CEP85L: variants seen among roughly 807,000 people sequenced by gnomAD.
The protein encoded by CEP85L is centrosomal protein of 85 kDa-like.
A neutral mutation model predicts 100.3 loss-of-function variants in CEP85L; 60 were observed. That is an observed-to-expected ratio of 0.60 (90% CI 0.49 to 0.74). CEP85L has a LOEUF of 0.74. CEP85L is among the 30% of genes least tolerant of loss of function. The pLI is 0.00. For synonymous variants in CEP85L, 319 were observed against 322.7 expected (o/e 0.99, Z 0.12); for missense variants, 973 against 936.2 (o/e 1.04, Z -0.51).
chr6:118,505,437 A>AAAAAAAAAAAAAC (rs1775590728), intron 5 of CEP85L, among the ~76,000 whole-genome samples: 1 of 144,726 alleles, frequency 6.9e-6, no homozygotes, highest in Non-Finnish European at 1.5e-5. Context: ...AAAAAAAAAA[A>AAAAAAAAAAAAAC]AGTTAACACA....
intron 2 of CEP85L, among the ~76,000 whole-genome samples, chr6:118,621,743 A>T (rs577905634): frequency 2.6e-5 from 4 of 152,340 alleles, no homozygotes; most frequent in African/African-American, 9.6e-5. Context: ...AGCAAAGAAC[A>T]AATTGAGCCT....
intron 1 of CEP85L, among the ~76,000 whole-genome samples, chr6:118,699,435 ACAGAGCAAGAC>A (rs1261889739): frequency 6.9e-6 from 1 of 145,936 alleles, no homozygotes; most frequent in African/African-American, 2.6e-5. Flanking sequence ...AGCCTGGATG[ACAGAGCAAGAC>A]CTTGTCTCAA....
At chr6:118,709,478 C>T (rs759730596) in intron 1 of CEP85L, among the ~76,000 whole-genome samples, 24 of 151,252 alleles carry the variant, frequency 1.6e-4, no homozygotes, top group Non-Finnish European at 3.1e-4. Context: ...GCAGCTAGAG[C>T]TCCTCTCCCC....
chr6:118,587,306 T>C (rs571581185), intron 2 of CEP85L, among the ~76,000 whole-genome samples: 1 of 152,194 alleles, frequency 6.6e-6, no homozygotes, highest in Non-Finnish European at 1.5e-5. Context: ...CAAAGAACTT[T>C]CTCCCAAAGA....
chr6:118,535,965 G>A (rs911114214), intron 3 of CEP85L, among the ~76,000 whole-genome samples: 1 of 151,848 alleles, frequency 6.6e-6, no homozygotes, highest in Admixed American at 6.6e-5. Flanking sequence ...AATCTTAAAA[G>A]TTGCATGTAA....
At chr6:118,502,503 G>A (rs1470180507) in intron 5 of CEP85L, 12 of 510,234 alleles carry the variant, frequency 2.4e-5, no homozygotes, top group Non-Finnish European at 4.2e-5. Flanking sequence ...GATTACACAA[G>A]TAGAGCCAGC....
chr6:118,563,036 A>T (rs1779313372), intron 3 of CEP85L, among the ~76,000 whole-genome samples: 1 of 152,160 alleles, frequency 6.6e-6, no homozygotes. Flanking sequence ...CCTCTGTCAT[A>T]GTCCCTATAG....
At chr6:118,701,344 T>C (rs905880303) in intron 1 of CEP85L, among the ~76,000 whole-genome samples, 2 of 152,170 alleles carry the variant, frequency 1.3e-5, no homozygotes, top group African/African-American at 4.8e-5. Context: ...CACAGCACTA[T>C]TCACAATAGC....
chr6:118,673,368 C>A (rs1367294908), intron 1 of CEP85L, among the ~76,000 whole-genome samples: 1 of 152,102 alleles, frequency 6.6e-6, no homozygotes, highest in African/African-American at 2.4e-5. Context: ...TAGAAGATTT[C>A]CAGTAAAGTG....
chr6:118,676,235 T>C lies in CEP85L; in HGVS notation c.-27-23427A>G, dbSNP rs146600714. Among the ~76,000 whole-genome samples, 53 of 152,330 alleles carry C rather than the reference T, an allele frequency of 3.5e-4. 1 individual carries two copies. Among genetic ancestry groups the C allele is most frequent in the African/African-American group, 1.2e-3 (51 of 41,584 alleles). On this transcript the variant is annotated intron_variant, in intron 1 of 13. Transcript: ENST00000368488. ...ACCTCACCTACTTAACATTCTTCTA[T>C]GGTGAGAACATTTAAAATCTACTTA...
At chr6:118,696,268 A>AAAAAAGAAAAAG (rs575296552) in intron 1 of CEP85L, among the ~76,000 whole-genome samples, 26 of 151,834 alleles carry the variant, frequency 1.7e-4, no homozygotes, top group Non-Finnish European at 3.2e-4. Context: ...CTGTCTCAAA[A>AAAAAAGAAAAAG]AAAAAGAAAA....
chr6:118,603,787 A>T (rs1459335745), intron 2 of CEP85L, among the ~76,000 whole-genome samples: 1 of 152,238 alleles, frequency 6.6e-6, no homozygotes, highest in Non-Finnish European at 1.5e-5. Context: ...AGCTATCAGA[A>T]AACTTGCACT....
intron 3 of CEP85L, among the ~76,000 whole-genome samples, chr6:118,555,425 CAAAAAA>C: frequency 8.6e-6 from 1 of 116,382 alleles, no homozygotes; most frequent in African/African-American, 3.3e-5. Flanking sequence ...AAGACTGTCT[CAAAAAA>C]AAAAAAAAAA....
chr6:118,610,057 G>A (rs1772505935), intron 2 of CEP85L, among the ~76,000 whole-genome samples: 1 of 141,674 alleles, frequency 7.1e-6, no homozygotes, highest in Non-Finnish European at 1.5e-5. Context: ...CAATGATAAT[G>A]ATGTAAACTG....
rs1772431509 is a variant in CEP85L, at chr6:118,465,279, A to G, written c.*126T>C. The G allele has an allele frequency of 1.2e-6, 1 of 835,516 alleles. No individual in the cohort carries two copies. The highest frequency in any genetic ancestry group is 1.7e-5 in the African/African-American group (1 of 57,168). The allele number at this position is 835,516 out of a possible 1,614,324, so 51.8% of individuals were successfully genotyped here. ...CTCTTCACTTCCCTTCTCCCCTTCA[A>G]CAAAACAAATCCACAGAAAAAAAAT... On this transcript the variant is annotated 3_prime_UTR_variant, in exon 13 of 13. Coordinates refer to ENST00000368491, the MANE Select transcript of CEP85L (RefSeq NM_001042475.3).
At chr6:118,561,445 A>T (rs1358974471) in intron 3 of CEP85L, among the ~76,000 whole-genome samples, 1 of 152,124 alleles carries the variant, frequency 6.6e-6, no homozygotes, top group Non-Finnish European at 1.5e-5. Flanking sequence ...CTATAACTCA[A>T]ATTATAAAGT....
At chr6:118,550,278 GAAAT>G (rs987971013) in intron 3 of CEP85L, among the ~76,000 whole-genome samples, 5 of 151,610 alleles carry the variant, frequency 3.3e-5, no homozygotes, top group African/African-American at 1.2e-4. Flanking sequence ...GTGAGATTAA[GAAAT>G]AATAAAATAT....
At chr6:118,653,749 A>ATGTGTGTG (rs61103713), upstream of CEP85L, among the ~76,000 whole-genome samples, 511 of 148,256 alleles carry the variant, frequency 3.4e-3, 4 homozygotes, top group African/African-American at 0.012. Flanking sequence ...GACTCTGTGT[A>ATGTGTGTG]TGTGTGTGTG....
At chr6:118,552,112 A>G (rs952041779) in intron 3 of CEP85L, among the ~76,000 whole-genome samples, 1 of 152,054 alleles carries the variant, frequency 6.6e-6, no homozygotes, top group African/African-American at 2.4e-5. Context: ...AAAACATCCT[A>G]GAGTATATCA....
Sources: gnomAD v4.1 joint callset for allele counts (sites outside exome capture counted in the v4.1 genomes callset) on GRCh38, gnomAD v4.1.1 for gene constraint, MANE v1.5 for transcripts, NCBI Gene and HGNC (gene_info 2026-07-23, HGNC 2026-07-21) for gene names.